Variants in CTNNA3 observed in about 807,000 individuals in gnomAD.
The protein encoded by CTNNA3 is catenin alpha 3.
In CTNNA3, 76 loss-of-function variants were observed where a neutral mutation model predicts 95.7. The observed-to-expected ratio is 0.79, with a 90% CI of 0.66 to 0.96. The LOEUF (loss-of-function observed/expected upper bound fraction) is 0.96, where lower values mean the gene tolerates loss of function less well. Among genes scored for constraint, CTNNA3 ranks in the 40% least tolerant of loss-of-function variants. The pLI is 0.00. For synonymous variants in CTNNA3, 431 were observed against 374.4 expected, an observed-to-expected ratio of 1.15 and a Z score of -1.74; for missense variants, 1,191 against 1,089.8, an observed-to-expected ratio of 1.09 and a Z score of -1.31.
chr10:67,176,671 C>A (rs1005226731), intron 7 of CTNNA3, among the ~76,000 whole-genome samples: 1 of 152,180 alleles, frequency 6.6e-6, no homozygotes. Flanking sequence ...GGTTAAGGGC[C>A]TTCAGATGGG....
intron 7 of CTNNA3, among the ~76,000 whole-genome samples, chr10:66,975,688 C>T (rs780273399): frequency 6.6e-6 from 1 of 152,174 alleles, no homozygotes; most frequent in Non-Finnish European, 1.5e-5. Flanking sequence ...ACAAGTTTAT[C>T]TGGTTCTCCA....
intron 7 of CTNNA3, among the ~76,000 whole-genome samples, chr10:66,849,135 C>T (rs551531750): frequency 3.3e-5 from 5 of 152,160 alleles, no homozygotes; most frequent in South Asian, 4.1e-4. Flanking sequence ...AAAAAGCAGA[C>T]GCATTTGTAA....
At chr10:66,132,332 A>C (rs1292017420) in intron 13 of CTNNA3, among the ~76,000 whole-genome samples, 1 of 152,248 alleles carries the variant, frequency 6.6e-6, no homozygotes, top group Non-Finnish European at 1.5e-5. Flanking sequence ...AGAGAAGTGC[A>C]TATCAAAACC....
intron 14 of CTNNA3, among the ~76,000 whole-genome samples, chr10:66,074,827 T>G (rs1321673086): frequency 6.6e-6 from 1 of 151,866 alleles, no homozygotes; most frequent in Non-Finnish European, 1.5e-5. Context: ...CATTTGTACT[T>G]TTTAGATGTA....
At chr10:66,331,586 A>T (rs942148285) in intron 12 of CTNNA3, among the ~76,000 whole-genome samples, 22 of 151,602 alleles carry the variant, frequency 1.5e-4, no homozygotes, top group African/African-American at 4.8e-4. Flanking sequence ...TGTTTTTGTC[A>T]GGTTTGTCAA....
At chr10:66,828,713 A>G (rs1842603508) in intron 7 of CTNNA3, among the ~76,000 whole-genome samples, 1 of 152,222 alleles carries the variant, frequency 6.6e-6, no homozygotes, top group Non-Finnish European at 1.5e-5. Context: ...TCATTTTATT[A>G]AAACCCAACT....
chr10:66,603,160 T>C (rs949876899), intron 10 of CTNNA3, among the ~76,000 whole-genome samples: 4 of 152,086 alleles, frequency 2.6e-5, no homozygotes, highest in African/African-American at 9.7e-5. Context: ...ATTATCCTCG[T>C]TTGTATATAG....
chr10:67,414,292 C>G (rs1318646644), intron 5 of CTNNA3, among the ~76,000 whole-genome samples: 1 of 151,980 alleles, frequency 6.6e-6, no homozygotes, highest in Non-Finnish European at 1.5e-5. Context: ...ACCTCAGAGA[C>G]TACTATGAAC....
intron 15 of CTNNA3, among the ~76,000 whole-genome samples, chr10:66,059,229 C>T (rs975875767): frequency 2.0e-5 from 3 of 152,030 alleles, no homozygotes; most frequent in South Asian, 2.1e-4. Flanking sequence ...ACAAATAACC[C>T]GTTTTCTGTA....
intron 13 of CTNNA3, among the ~76,000 whole-genome samples, chr10:66,273,159 C>T (rs1307281986): frequency 6.6e-6 from 1 of 152,150 alleles, no homozygotes; most frequent in Non-Finnish European, 1.5e-5. Flanking sequence ...AAGCACTTTA[C>T]AGCTTCTTTG....
intron 2 of CTNNA3, among the ~76,000 whole-genome samples, chr10:67,634,913 T>C (rs1338881343): frequency 3.3e-5 from 5 of 151,830 alleles, no homozygotes; most frequent in Non-Finnish European, 2.9e-5. Flanking sequence ...AGACAGAAAA[T>C]TAACAAAGAT....
intron 12 of CTNNA3, among the ~76,000 whole-genome samples, chr10:66,316,932 G>C (rs532944228): frequency 1.3e-5 from 2 of 151,888 alleles, no homozygotes; most frequent in Non-Finnish European, 2.9e-5. Context: ...TAGACAAAAC[G>C]TTTACTTAAA....
chr10:67,096,765 AAGGGAG>A (rs1858018718), intron 7 of CTNNA3, among the ~76,000 whole-genome samples: 1 of 151,776 alleles, frequency 6.6e-6, no homozygotes, highest in Admixed American at 6.6e-5. Flanking sequence ...TTTAGTTGGC[AAGGGAG>A]TCCCTTCCTC....
chr10:66,389,787 G>A (rs115777162), intron 11 of CTNNA3, among the ~76,000 whole-genome samples: 2,394 of 152,012 alleles, frequency 0.016, 52 homozygotes, highest in African/African-American at 0.055. Context: ...CACCCAGGAT[G>A]GGGTACAGTG....
At chr10:67,759,671 G>T (rs901506767) in intron 1 of CTNNA3, among the ~76,000 whole-genome samples, 3 of 152,168 alleles carry the variant, frequency 2.0e-5, no homozygotes, top group Non-Finnish European at 4.4e-5. Context: ...TTTGATAACT[G>T]CATTCTATTA....
chr10:66,115,965 T>C (rs922737075), intron 13 of CTNNA3, among the ~76,000 whole-genome samples: 1 of 152,064 alleles, frequency 6.6e-6, no homozygotes, highest in Non-Finnish European at 1.5e-5. Context: ...TGAAGTTTGC[T>C]TTATGGGACA....
intron 5 of CTNNA3, among the ~76,000 whole-genome samples, chr10:67,355,484 T>C (rs886576155): frequency 6.6e-6 from 1 of 151,924 alleles, no homozygotes; most frequent in East Asian, 1.9e-4. Context: ...AATTTATGAT[T>C]ACACAAATAA....
intron 10 of CTNNA3, among the ~76,000 whole-genome samples, chr10:66,578,485 T>C (rs1034417506): frequency 2.6e-5 from 4 of 152,000 alleles, no homozygotes; most frequent in Non-Finnish European, 5.9e-5. Flanking sequence ...TTTAGAGATA[T>C]GTTCTATTGA....
intron 5 of CTNNA3, among the ~76,000 whole-genome samples, chr10:67,382,593 C>T (rs905136466): frequency 6.6e-6 from 1 of 152,122 alleles, no homozygotes; most frequent in African/African-American, 2.4e-5. Context: ...GTGGACCCAT[C>T]TGTTTCTTAC....
Sources: allele counts gnomAD v4.1 joint callset (sites outside exome capture counted in the v4.1 genomes callset), GRCh38; gene constraint gnomAD v4.1.1; transcripts MANE v1.5; gene names NCBI Gene and HGNC (gene_info 2026-07-23, HGNC 2026-07-21).